Variants in NR2C2 observed in about 807,000 individuals in gnomAD.
NR2C2 encodes the protein nuclear receptor subfamily 2 group C member 2, also known as Nuclear hormone receptor TR4.
In NR2C2, 6 loss-of-function variants were observed where a neutral mutation model predicts 62.9. The ratio of observed to expected loss-of-function variants is 0.10; its 90% CI spans 0.05 to 0.19. The LOEUF is 0.19. NR2C2 is among the 10% of genes least tolerant of loss of function. The pLI is 1.00. For synonymous variants in NR2C2, 272 were observed against 273.8 expected, an observed-to-expected ratio of 0.99 and a Z score of 0.07; for missense variants, 479 against 762.7, an observed-to-expected ratio of 0.63 and a Z score of 4.38.
At chr3:14,958,650 G>A (rs1193010385) in intron 1 of NR2C2, among the ~76,000 whole-genome samples, 1 of 152,180 alleles carries the variant, frequency 6.6e-6, no homozygotes, top group East Asian at 1.9e-4. Flanking sequence ...TCTATACTTT[G>A]TAGTATCAAA....
intron 3 of NR2C2, among the ~76,000 whole-genome samples, chr3:15,015,038 T>C (rs897346270): frequency 2.6e-5 from 4 of 152,204 alleles, no homozygotes; most frequent in Non-Finnish European, 5.9e-5. Context: ...ACTGTTCTTT[T>C]AGACACCTTA....
At chr3:15,032,342 C>T in intron 9 of NR2C2, 37 bp from the exon 10 acceptor site, 1 of 1,614,042 alleles carries the variant, frequency 6.2e-7, no homozygotes, top group Non-Finnish European at 8.5e-7. Flanking sequence ...CCCTGTCCTT[C>T]CTTCACCTCC....
At chr3:15,010,042 A>G (rs957950447) in intron 2 of NR2C2, among the ~76,000 whole-genome samples, 7 of 152,220 alleles carry the variant, frequency 4.6e-5, no homozygotes, top group African/African-American at 1.7e-4. Context: ...ACTTCCAAGT[A>G]AGGTACATTA....
Position 15,048,204 on chromosome 3 carries a change from C to T in NR2C2, c.*5196C>T, listed in dbSNP as rs1456416479. On this transcript the variant is annotated 3_prime_UTR_variant, in exon 14 of 14. Transcript: ENST00000425241. ...GTGGGTCATTTAGCCTTCAGCTTCCCTGTTTTTGATGTAGAGAAAGCTTCT... is the reference window on the plus strand; with the variant it reads ...GTGGGTCATTTAGCCTTCAGCTTCCTTGTTTTTGATGTAGAGAAAGCTTCT... 1 of 152,638 alleles carries T rather than the reference C, an allele frequency of 6.6e-6. No homozygotes were observed. The highest frequency in any genetic ancestry group is 1.5e-5 in the Non-Finnish European group (1 of 68,044). 9.5% of individuals were successfully genotyped at this position (152,638 alleles called of 1,614,324 possible).
chr3:14,956,291 C>T (rs890026654), intron 1 of NR2C2, among the ~76,000 whole-genome samples: 5 of 152,204 alleles, frequency 3.3e-5, no homozygotes, highest in Non-Finnish European at 2.9e-5. Context: ...CTCAGGCTAT[C>T]TAAATCCTTC....
Position 14,949,682 on chromosome 3 carries a change from C to T in NR2C2, c.-40+1776C>T, listed in dbSNP as rs138108061. Among the ~76,000 whole-genome samples, 12 of 152,292 alleles carry T rather than the reference C, an allele frequency of 7.9e-5. No homozygotes were observed. In the East Asian group the frequency reaches 2.3e-3, roughly 29 times the overall value. On this transcript the variant is annotated intron_variant, in intron 1 of 13. Coordinates refer to ENST00000425241, the MANE Select transcript of NR2C2 (RefSeq NM_001291694.2). ...TTCATCAAGTATTTCCTGAGTGCTA[C>T]GAATACTCCAGGCACTATGTGCTAG...
chr3:15,015,648 G>T (rs1439800360), intron 3 of NR2C2, among the ~76,000 whole-genome samples: 3 of 152,248 alleles, frequency 2.0e-5, no homozygotes, highest in Non-Finnish European at 4.4e-5. Flanking sequence ...TGGGAAACCA[G>T]CCAGCTGATG....
chr3:14,992,328 A>G (rs1029573962), intron 1 of NR2C2, among the ~76,000 whole-genome samples: 3 of 152,092 alleles, frequency 2.0e-5, no homozygotes, highest in Non-Finnish European at 4.4e-5. Flanking sequence ...TCCTTGGTTT[A>G]TATAATGAAC....
At chr3:14,954,645 T>A (rs886338681) in intron 1 of NR2C2, among the ~76,000 whole-genome samples, 1 of 152,144 alleles carries the variant, frequency 6.6e-6, no homozygotes, top group African/African-American at 2.4e-5. Flanking sequence ...TGCAATAATA[T>A]TATAAAGTAA....
chr3:14,998,203 C>T (rs2040887875), intron 1 of NR2C2, among the ~76,000 whole-genome samples: 1 of 152,120 alleles, frequency 6.6e-6, no homozygotes, highest in South Asian at 2.1e-4. Context: ...TACTTTTTGC[C>T]TGTTATCACT....
At chr3:14,974,961 G>A (rs2040160939) in intron 1 of NR2C2, among the ~76,000 whole-genome samples, 2 of 152,082 alleles carry the variant, frequency 1.3e-5, no homozygotes, top group Admixed American at 1.3e-4. Context: ...TGCTTCCTTG[G>A]TTAAATTTAA....
chr3:14,997,914 A>G (rs1458028056), intron 1 of NR2C2, among the ~76,000 whole-genome samples: 1 of 152,064 alleles, frequency 6.6e-6, no homozygotes, highest in Admixed American at 6.6e-5. Flanking sequence ...TCATGCCCCC[A>G]CTAAAAAACC....
intron 1 of NR2C2, among the ~76,000 whole-genome samples, chr3:14,955,935 C>G (rs1049362823): frequency 6.6e-6 from 1 of 152,202 alleles, no homozygotes; most frequent in African/African-American, 2.4e-5. Flanking sequence ...CTCTTCCCTA[C>G]TAGTCACTCA....
rs1559315010 is a variant in NR2C2 at position 15,042,994 on chromosome 3, G to A, written c.1777G>A (p.Gly593Arg). The change falls in exon 14 of 14, where the codon GGA (glycine) becomes AGA (arginine). Residue 593 changes from glycine (G) to arginine (R), a missense_variant. Gly to Arg is a moderately radical substitution (Grantham distance 125). Transcript: ENST00000425241. Reference protein sequence around the residue: ...ETAEYNGQITGASL With the variant: ...ETAEYNGQITRASL The stretch of plus-strand genomic sequence containing the variant: ...AGCAGAGTATAATGGCCAGATCACC[G>A]GAGCCAGTCTATAGCGCAAACCACA... 5 of 1,613,936 alleles carry A rather than the reference G, an allele frequency of 3.1e-6. No homozygotes were observed. The highest frequency in any genetic ancestry group is 1.7e-5 in the Admixed American group (1 of 60,000).
Position 15,003,901 on chromosome 3 carries a change from C to T in NR2C2, c.-14C>T, listed in dbSNP as rs371536234. On this transcript the variant is annotated 5_prime_UTR_variant, in exon 2 of 14. Coordinates refer to ENST00000425241, the MANE Select transcript of NR2C2 (RefSeq NM_001291694.2). The stretch of plus-strand genomic sequence containing the variant: ...GTAACACGTACACAGACCTCTCGGC[C>T]GGAATCTCCAGGGATGACCAGCCCC... 1.9e-5 allele frequency: 30 copies of T among 1,613,648 alleles called. No individual in the cohort carries two copies. Among genetic ancestry groups the T allele is most frequent in the South Asian group, 3.3e-5 (3 of 91,078 alleles).
chr3:15,037,197 ATTG>A (rs1169417745), intron 11 of NR2C2, among the ~76,000 whole-genome samples: 1 of 138,666 alleles, frequency 7.2e-6, no homozygotes, highest in Non-Finnish European at 1.6e-5. Flanking sequence ...TTGTTGTGTT[ATTG>A]TTTTTTGTTT....
chr3:14,969,325 A>C (rs938163272), intron 1 of NR2C2, among the ~76,000 whole-genome samples: 1 of 146,694 alleles, frequency 6.8e-6, no homozygotes, highest in African/African-American at 2.5e-5. Context: ...GGCTCACTGC[A>C]ACAACCACTT....
At chr3:15,016,018 T>A (rs2041500516) in intron 3 of NR2C2, 134 bp from the exon 4 acceptor site, 1 of 634,962 alleles carries the variant, frequency 1.6e-6, no homozygotes, top group African/African-American at 1.8e-5. Context: ...GTCAGGCTGG[T>A]CTCGAACTCC....
At chr3:15,036,353 G>A (rs1399141248) in intron 11 of NR2C2, among the ~76,000 whole-genome samples, 3 of 152,170 alleles carry the variant, frequency 2.0e-5, no homozygotes, top group Non-Finnish European at 1.5e-5. Flanking sequence ...CACCAGCAGT[G>A]TCAGGAATAG....
Sources: gnomAD v4.1 joint callset for allele counts (sites outside exome capture counted in the v4.1 genomes callset) on GRCh38, gnomAD v4.1.1 for gene constraint, MANE v1.5 for transcripts, NCBI Gene and HGNC (gene_info 2026-07-23, HGNC 2026-07-21) for gene names.